BPTF: variants seen among roughly 807,000 people sequenced by gnomAD.
The protein encoded by BPTF is nucleosome-remodeling factor subunit BPTF.
In BPTF, 18 loss-of-function variants were observed where a neutral mutation model predicts 292.5. That is an observed-to-expected ratio of 0.06 (90% confidence interval 0.04 to 0.09). The LOEUF is 0.09. BPTF is among the 10% of genes least tolerant of loss of function. The pLI, the probability that BPTF is intolerant of heterozygous loss-of-function variation, is 1.00. For synonymous variants in BPTF, 1,225 were observed against 1,251.9 expected (o/e 0.98, Z 0.45); for missense variants, 2,726 against 3,498.7 (o/e 0.78, Z 5.57).
intron 11 of BPTF, 104 bp from the exon 12 acceptor site, chr17:67,918,610 G>A (rs1598648113): frequency 9.3e-7 from 1 of 1,074,728 alleles, no homozygotes; most frequent in East Asian, 2.6e-5. Flanking sequence ...GAGTCCTAAT[G>A]AGGACAAGAA....
At chr17:67,930,458 C>G (rs1331333190) in intron 17 of BPTF, among the ~76,000 whole-genome samples, 1 of 151,944 alleles carries the variant, frequency 6.6e-6, no homozygotes, top group Non-Finnish European at 1.5e-5. Context: ...CTCGGCCTCC[C>G]AAAGTGCTGG....
chr17:67,925,880 G>T (rs969194879), intron 15 of BPTF, among the ~76,000 whole-genome samples: 6 of 151,350 alleles, frequency 4.0e-5, no homozygotes, highest in Non-Finnish European at 8.8e-5. Flanking sequence ...GATGCTGTCT[G>T]TCACAGGAAA....
Position 67,880,160 on chromosome 17 carries a change from A to T in BPTF, c.1864+5140A>T, listed in dbSNP as rs57922690. The stretch of plus-strand genomic sequence containing the variant: ...TACTCGCTCTATTTTTCCAATCTGG[A>T]AATTCGTTACCTGCCCCCGTTAATC... On this transcript the variant is annotated intron_variant, in intron 4 of 27. Transcript: ENST00000306378. 4.4e-3 allele frequency among the ~76,000 whole-genome samples: 670 copies of T among 152,064 alleles called. 5 individuals carry two copies. The highest frequency in any genetic ancestry group is 0.015 in the African/African-American group (632 of 41,470).
At chr17:67,862,057 C>T (rs2059116843) in intron 2 of BPTF, among the ~76,000 whole-genome samples, 1 of 152,190 alleles carries the variant, frequency 6.6e-6, no homozygotes, top group South Asian at 2.1e-4. Flanking sequence ...TTCACTGCAA[C>T]CTCCGCCTCC....
At chr17:67,917,855 A>G (rs950832909) in intron 11 of BPTF, among the ~76,000 whole-genome samples, 2 of 151,912 alleles carry the variant, frequency 1.3e-5, no homozygotes, top group Non-Finnish European at 2.9e-5. Context: ...TCTGTCGCCT[A>G]GGCTGGAATG....
At chr17:67,961,389 C>T (rs538102911) in intron 24 of BPTF, among the ~76,000 whole-genome samples, 1 of 151,962 alleles carries the variant, frequency 6.6e-6, no homozygotes, top group Non-Finnish European at 1.5e-5. Flanking sequence ...ATCTCTTGTC[C>T]CAAACTAGGC....
chr17:67,859,621 C>T (rs1204721502), intron 2 of BPTF, among the ~76,000 whole-genome samples: 2 of 152,152 alleles, frequency 1.3e-5, no homozygotes, highest in African/African-American at 4.8e-5. Context: ...ATACTGTAGT[C>T]TAGTTTTCAA....
At chr17:67,841,301 C>T (rs539888595) in intron 1 of BPTF, among the ~76,000 whole-genome samples, 6 of 152,094 alleles carry the variant, frequency 3.9e-5, no homozygotes, top group East Asian at 1.9e-4. Context: ...CCCAGCTACT[C>T]GGGAGGCTGA....
At chr17:67,981,160 A>T (rs1317403672) in intron 27 of BPTF, among the ~76,000 whole-genome samples, 1 of 151,746 alleles carries the variant, frequency 6.6e-6, no homozygotes. Context: ...CCTTGTTTCA[A>T]AACAAAACAA....
At chr17:67,964,738 T>G (rs59956089) in intron 25 of BPTF, among the ~76,000 whole-genome samples, 2 of 151,994 alleles carry the variant, frequency 1.3e-5, no homozygotes, top group Admixed American at 6.6e-5. Flanking sequence ...TGGTGGCTCA[T>G]GCCTGTAATC....
intron 23 of BPTF, chr17:67,951,608 C>T (rs1178097503): frequency 6.6e-6 from 1 of 152,056 alleles, no homozygotes; most frequent in Non-Finnish European, 1.5e-5. Context: ...CCTTCAAAGC[C>T]AACAAATGAA....
chr17:67,837,637 T>A (rs2057236069), intron 1 of BPTF, among the ~76,000 whole-genome samples: 1 of 152,196 alleles, frequency 6.6e-6, no homozygotes, highest in South Asian at 2.1e-4. Flanking sequence ...CTGGAATTGC[T>A]GACCTCAGGC....
chr17:67,893,412 A>C lies in BPTF; in HGVS notation c.2098A>C (p.Thr700Pro). ...NSQGEISRLS[T>P]KKEVIMKGNI... is the part of the protein sequence containing the mutation. ...TCAAGGAGAAATTTCACGGTTGAGC[A>C]CCAAAAAGGAAGTGATCATGAAAGG... Residue 700 changes from threonine (T) to proline (P), a missense_variant, in exon 6 of 28, where the codon ACC (threonine) becomes CCC (proline). Coordinates refer to ENST00000306378, the MANE Select transcript of BPTF (RefSeq NM_182641.4). The C allele has an allele frequency of 1.2e-6, 2 of 1,614,186 alleles. No homozygotes were observed. Among genetic ancestry groups the C allele is most frequent in the Non-Finnish European group, 1.7e-6 (2 of 1,180,018 alleles).
Position 67,911,347 on chromosome 17 carries a change from C to A in BPTF, c.3463C>A (p.His1155Asn). The change falls in exon 11 of 28, where the codon CAT becomes AAT. Residue 1155 changes from histidine (H) to asparagine (N), a missense_variant. By Grantham distance (68) the His-to-Asn change is moderately conservative (BLOSUM62 1). Transcript: ENST00000306378. Reference protein sequence around the residue: ...SSVLRMSDPSHTTNKLYPKDR... With the variant: ...SSVLRMSDPSNTTNKLYPKDR... ...AGTTCTTAGAATGAGTGATCCTAGTCATACCACAAACAAACTTTATCCAAA... is the reference window on the plus strand; with the variant it reads ...AGTTCTTAGAATGAGTGATCCTAGTAATACCACAAACAAACTTTATCCAAA... 6.2e-7 allele frequency: 1 copy of A among 1,614,090 alleles called. No individual in the cohort carries two copies. Among genetic ancestry groups the A allele is most frequent in the South Asian group, 1.1e-5 (1 of 91,038 alleles).
intron 9 of BPTF, among the ~76,000 whole-genome samples, chr17:67,905,880 A>G (rs1338028595): frequency 6.6e-6 from 1 of 152,020 alleles, no homozygotes; most frequent in Non-Finnish European, 1.5e-5. Flanking sequence ...GATGGGGAAC[A>G]TCACACACCG....
chr17:67,873,577 G>C (rs539723158), intron 3 of BPTF, among the ~76,000 whole-genome samples: 4 of 152,130 alleles, frequency 2.6e-5, no homozygotes, highest in African/African-American at 9.6e-5. Flanking sequence ...CTATTTTACT[G>C]TGTGTACTAG....
chr17:67,948,780 A>C (rs1329075734), intron 23 of BPTF, among the ~76,000 whole-genome samples: 3 of 152,148 alleles, frequency 2.0e-5, no homozygotes, highest in Non-Finnish European at 2.9e-5. Flanking sequence ...TTGAGCCCAG[A>C]AGTTCGAGAC....
rs769559184 is a variant in BPTF at position 67,854,736 on chromosome 17, C to T, written c.1410C>T (p.Tyr470=). The change falls in exon 2 of 28, where the codon TAC becomes TAT. Residue 470 remains tyrosine, a synonymous_variant. Transcript: ENST00000306378. This position sits in a 1 kb window ranked among gnomAD's most constrained non-coding sequence, Gnocchi z 5.6. ...PIGYDRSRRK[Y]WFLNRRLIIE... ...GATATGATAGAAGTCGGAGGAAATA[C>T]TGGTTCTTGAACCGAAGACTCATAA... 6.2e-7 allele frequency: 1 copy of T among 1,613,826 alleles called. No homozygotes were observed.
At chr17:67,977,137 C>T (rs1320058961) in intron 27 of BPTF, among the ~76,000 whole-genome samples, 1 of 152,130 alleles carries the variant, frequency 6.6e-6, no homozygotes, top group Admixed American at 6.5e-5. Flanking sequence ...GTCTGTGCAG[C>T]CAGTCAAGTT....
Sources: gnomAD v4.1 joint callset for allele counts (sites outside exome capture counted in the v4.1 genomes callset) on GRCh38, gnomAD v4.1.1 for gene constraint, Gnocchi (gnomAD v3.1) non-coding constraint, MANE v1.5 for transcripts, NCBI Gene and HGNC (gene_info 2026-07-23, HGNC 2026-07-21) for gene names.